CLIC4: variants seen among roughly 807,000 people sequenced by gnomAD.
CLIC4 encodes CLIC family member 4, also known as chloride intracellular channel protein 4.
In CLIC4, 13 loss-of-function variants were observed where a neutral mutation model predicts 24.6. That is an observed-to-expected ratio of 0.53 (90% confidence interval 0.34 to 0.84). CLIC4 has a LOEUF of 0.84. Ranked by LOEUF, CLIC4 falls within the 40% of genes least tolerant of loss-of-function variation. CLIC4 has a pLI of 0.01. For missense variants in CLIC4, 227 were observed against 301.7 expected (o/e 0.75, Z 1.83); for synonymous variants, 104 against 111.3 (o/e 0.93, Z 0.41).
intron 2 of CLIC4, among the ~76,000 whole-genome samples, chr1:24,813,050 T>C (rs528797741): frequency 2.2e-3 from 328 of 148,472 alleles, no homozygotes; most frequent in African/African-American, 7.4e-3. Context: ...TTCTTTCTTT[T>C]TTTTTTTTTT....
intron 1 of CLIC4, among the ~76,000 whole-genome samples, chr1:24,763,335 T>C (rs900716570): frequency 4.6e-5 from 7 of 151,892 alleles, no homozygotes; most frequent in African/African-American, 1.5e-4. Context: ...AAGTCGGGAG[T>C]TCGAGACCAG....
intron 1 of CLIC4, among the ~76,000 whole-genome samples, chr1:24,767,024 T>TAAAAAAAAAAAAAAAAAAGAAAAAAAAAA (rs1639008105): frequency 1.4e-5 from 1 of 71,124 alleles, no homozygotes; most frequent in Non-Finnish European, 2.5e-5. Flanking sequence ...GCTGATGAGC[T>TAAAAAAAAAAAAAAAAAAGAAAAAAAAAA]AAAAAAAAAA....
At chr1:24,787,868 T>C (rs1163736573) in intron 1 of CLIC4, among the ~76,000 whole-genome samples, 3 of 83,836 alleles carry the variant, frequency 3.6e-5, no homozygotes, top group African/African-American at 1.4e-4. Flanking sequence ...TTTTTTTTTT[T>C]TGGGAGAGAC....
intron 1 of CLIC4, among the ~76,000 whole-genome samples, chr1:24,748,499 GTTTTTTTT>G (rs869153638): frequency 8.7e-5 from 7 of 80,620 alleles, no homozygotes; most frequent in Admixed American, 2.0e-4. Flanking sequence ...CAGGTTTTTT[GTTTTTTTT>G]TTTTTTTTTT....
intron 1 of CLIC4, among the ~76,000 whole-genome samples, chr1:24,755,654 TGG>T (rs559072354): frequency 6.5e-4 from 99 of 151,520 alleles, no homozygotes; most frequent in African/African-American, 2.2e-3. Flanking sequence ...TAGCCTTATA[TGG>T]TTTCTGTTTT....
intron 4 of CLIC4, among the ~76,000 whole-genome samples, chr1:24,832,083 T>C (rs1639847572): frequency 2.0e-5 from 3 of 152,374 alleles, no homozygotes; most frequent in African/African-American, 7.2e-5. Context: ...GACCTAGCTG[T>C]TTCTCACATT....
chr1:24,759,713 C>A (rs1638896071), intron 1 of CLIC4, among the ~76,000 whole-genome samples: 1 of 152,100 alleles, frequency 6.6e-6, no homozygotes, highest in African/African-American at 2.4e-5. Context: ...TTTTGAGAGG[C>A]CAAGGTGGGT....
intron 1 of CLIC4, among the ~76,000 whole-genome samples, chr1:24,790,134 C>T (rs571385886): frequency 5.3e-5 from 8 of 152,326 alleles, no homozygotes; most frequent in Non-Finnish European, 1.0e-4. Flanking sequence ...CGCAGTGGCG[C>T]GATCTCAGCT....
At chr1:24,815,089 T>C (rs1470358067) in intron 3 of CLIC4, among the ~76,000 whole-genome samples, 1 of 152,206 alleles carries the variant, frequency 6.6e-6, no homozygotes, top group Admixed American at 6.5e-5. Context: ...TCACGTGAAA[T>C]TTTTCGTTTC....
At position 24,773,591 on chromosome 1, in the gene CLIC4, C is replaced by CTTTTTTTTTTTTTTTTTTTTTTTTTTTT. The variant is rs61367134; in HGVS notation, c.73-24126_73-24125insTTTTTTTTTTTTTTTTTTTTTTTTTTTT. ...GACAATGAAAAAGTTTGAGATGCAC[C>CTTTTTTTTTTTTTTTTTTTTTTTTTTTT]TTTTTTTTTTTTTTTTTTTTTTTTT... On this transcript the variant is annotated intron_variant, in intron 1 of 5. Coordinates refer to ENST00000374379, the MANE Select transcript of CLIC4 (RefSeq NM_013943.3). Among the ~76,000 whole-genome samples the CTTTTTTTTTTTTTTTTTTTTTTTTTTTT allele has an allele frequency of 4.1e-5, 3 of 73,990 alleles. 1 individual carries two copies. Among genetic ancestry groups the CTTTTTTTTTTTTTTTTTTTTTTTTTTTT allele is most frequent in the Non-Finnish European group, 7.7e-5 (3 of 38,848 alleles). 48.5% of individuals were successfully genotyped at this position (73,990 alleles called of 152,430 possible). A position where few individuals can be genotyped will look rare whatever the true frequency, so the allele number is the denominator to read the frequency against.
chr1:24,836,537 A>C (rs953179824), intron 4 of CLIC4, among the ~76,000 whole-genome samples: 5 of 152,242 alleles, frequency 3.3e-5, no homozygotes, highest in Admixed American at 3.3e-4. Flanking sequence ...ATAGATATCA[A>C]TAACAAAAGT....
At chr1:24,749,892 C>T (rs1249157790) in intron 1 of CLIC4, among the ~76,000 whole-genome samples, 2 of 152,056 alleles carry the variant, frequency 1.3e-5, no homozygotes, top group African/African-American at 4.8e-5. Flanking sequence ...CCTAGGAGTT[C>T]GAGACCAGCC....
intron 1 of CLIC4, among the ~76,000 whole-genome samples, chr1:24,759,953 C>G (rs572374783): frequency 1.3e-5 from 2 of 151,574 alleles, no homozygotes; most frequent in African/African-American, 4.8e-5. Context: ...AGAGTGAGAC[C>G]GTGTCTCAAA....
At chr1:24,838,800 C>T (rs532582288) in intron 4 of CLIC4, among the ~76,000 whole-genome samples, 7 of 152,142 alleles carry the variant, frequency 4.6e-5, no homozygotes, top group Admixed American at 2.0e-4. Context: ...CTTGACTTTC[C>T]AGATATACAG....
At chr1:24,782,936 C>T (rs1198415025) in intron 1 of CLIC4, among the ~76,000 whole-genome samples, 1 of 152,044 alleles carries the variant, frequency 6.6e-6, no homozygotes, top group African/African-American at 2.4e-5. Context: ...GCTATGATGG[C>T]ACCACTACAT....
At chr1:24,839,778 G>A (rs1639922834) in intron 4 of CLIC4, 82 bp from the exon 5 acceptor site, 2 of 1,205,588 alleles carry the variant, frequency 1.7e-6, no homozygotes, top group Non-Finnish European at 2.3e-6. Context: ...AACAGTTATT[G>A]ACTCAAAGAG....
intron 1 of CLIC4, among the ~76,000 whole-genome samples, chr1:24,795,035 G>C (rs1243736960): frequency 6.6e-6 from 1 of 152,116 alleles, no homozygotes; most frequent in African/African-American, 2.4e-5. Flanking sequence ...TGTACTTGAG[G>C]GTGGAGGATG....
At chr1:24,749,602 GGTTT>G (rs2124075147) in intron 1 of CLIC4, among the ~76,000 whole-genome samples, 1 of 152,112 alleles carries the variant, frequency 6.6e-6, no homozygotes, top group Non-Finnish European at 1.5e-5. Flanking sequence ...TGGTTTTTTT[GGTTT>G]GTTTTTGTTT....
At chr1:24,748,511 T>TTG (rs1328108020) in intron 1 of CLIC4, among the ~76,000 whole-genome samples, 4 of 144,402 alleles carry the variant, frequency 2.8e-5, no homozygotes, top group Non-Finnish European at 6.1e-5. Context: ...TTTTTTTTTT[T>TTG]TTTTTTTTTT....
Sources: gnomAD v4.1 joint callset for allele counts (sites outside exome capture counted in the v4.1 genomes callset) on GRCh38, gnomAD v4.1.1 for gene constraint, MANE v1.5 for transcripts, NCBI Gene and HGNC (gene_info 2026-07-23, HGNC 2026-07-21) for gene names.